RBFOX1: variants seen among roughly 807,000 people sequenced by gnomAD.
The protein encoded by RBFOX1 is RNA binding fox-1 homolog 1.
A neutral mutation model predicts 57.7 loss-of-function variants in RBFOX1; 8 were observed. The ratio of observed to expected loss-of-function variants is 0.14; its 90% CI spans 0.08 to 0.25. The LOEUF (loss-of-function observed/expected upper bound fraction) is 0.25, where lower values mean the gene tolerates loss of function less well. Among genes scored for constraint, RBFOX1 ranks in the 10% least tolerant of loss-of-function variants. The pLI is 1.00. For synonymous variants in RBFOX1, 326 were observed against 222.4 expected (o/e 1.47, Z -4.15); for missense variants, 611 against 548.5 (o/e 1.11, Z -1.14).
intron 3 of RBFOX1, among the ~76,000 whole-genome samples, chr16:5,776,651 G>A (rs72766954): frequency 2.6e-5 from 4 of 152,360 alleles, no homozygotes; most frequent in Non-Finnish European, 5.9e-5. Flanking sequence ...TGGTGTGGGT[G>A]TTAGTATTAT....
At chr16:7,260,817 A>C (rs891461921) in intron 4 of RBFOX1, among the ~76,000 whole-genome samples, 1 of 152,182 alleles carries the variant, frequency 6.6e-6, no homozygotes, top group African/African-American at 2.4e-5. Flanking sequence ...CAAATGGAAA[A>C]TTGCTTTTCT....
chr16:6,590,693 T>C (rs11644563), intron 2 of RBFOX1, among the ~76,000 whole-genome samples: 56,564 of 152,064 alleles, frequency 0.37, 11,581 homozygotes, highest in Non-Finnish European at 0.46. Context: ...TACGAATCTT[T>C]CTAGAAAATG....
At chr16:7,386,768 G>A (rs1453130235) in intron 4 of RBFOX1, among the ~76,000 whole-genome samples, 1 of 152,010 alleles carries the variant, frequency 6.6e-6, no homozygotes, top group Non-Finnish European at 1.5e-5. Context: ...GGGTCTAATG[G>A]TATTTCTAGT....
rs151280795 is a variant in RBFOX1 at position 5,507,297 on chromosome 16, T to G, written c.258+40043T>G. Reference sequence around the variant, plus strand: ...ATGATTGGAGATGGTTTCCTTTATTTGTTGCTGTTGATTTTCTCTCACTGC... The same window carrying G: ...ATGATTGGAGATGGTTTCCTTTATTGGTTGCTGTTGATTTTCTCTCACTGC... On this transcript the variant is annotated intron_variant, in intron 2 of 2. Coordinates refer to the RBFOX1 transcript ENST00000585867. Among the ~76,000 whole-genome samples the G allele has an allele frequency of 2.0e-5, 3 of 152,246 alleles. No homozygotes were observed. The East Asian group carries it at 5.8e-4, about 29-fold the overall frequency.
intron 1 of RBFOX1, among the ~76,000 whole-genome samples, chr16:6,267,361 A>G (rs553651024): frequency 3.5e-4 from 53 of 152,276 alleles, no homozygotes; most frequent in African/African-American, 1.3e-3. Flanking sequence ...ACCTCTCCTG[A>G]TAAACCCCGA....
chr16:7,088,158 T>C (rs73540787), intron 4 of RBFOX1, among the ~76,000 whole-genome samples: 10,669 of 152,240 alleles, frequency 0.07, 1,222 homozygotes, highest in African/African-American at 0.24. Flanking sequence ...TGGGGGGATG[T>C]ACGGTTTTCT....
chr16:6,850,716 A>G (rs143519874), intron 3 of RBFOX1, among the ~76,000 whole-genome samples: 17 of 152,320 alleles, frequency 1.1e-4, no homozygotes, highest in African/African-American at 4.1e-4. Flanking sequence ...TTTGTTGGCT[A>G]AAATAAAGAA....
chr16:7,663,280 T>C (rs563177761), intron 12 of RBFOX1, among the ~76,000 whole-genome samples: 1 of 152,366 alleles, frequency 6.6e-6, no homozygotes, highest in African/African-American at 2.4e-5. Context: ...TAGGGCTTTA[T>C]GCCACTTCAC....
chr16:6,569,214 T>C (rs2097309882), intron 2 of RBFOX1, among the ~76,000 whole-genome samples: 1 of 152,242 alleles, frequency 6.6e-6, no homozygotes, highest in Non-Finnish European at 1.5e-5. Flanking sequence ...TAATACTCTG[T>C]ATTAGTTATC....
intron 1 of RBFOX1, among the ~76,000 whole-genome samples, chr16:6,190,861 G>A (rs1242542952): frequency 6.6e-6 from 1 of 152,138 alleles, no homozygotes; most frequent in African/African-American, 2.4e-5. Flanking sequence ...ACCGAGTTGG[G>A]AGAAATGTAC....
intron 2 of RBFOX1, among the ~76,000 whole-genome samples, chr16:6,436,068 T>C (rs1279729219): frequency 6.6e-6 from 1 of 152,184 alleles, no homozygotes; most frequent in East Asian, 1.9e-4. Context: ...GGAGAAAAAC[T>C]CTGGCTCCTG....
At chr16:7,679,787 C>T (rs750789953) in intron 14 of RBFOX1, among the ~76,000 whole-genome samples, 1 of 151,984 alleles carries the variant, frequency 6.6e-6, no homozygotes, top group Non-Finnish European at 1.5e-5. Context: ...ACCTGAGAGT[C>T]TCTGAATGTT....
At chr16:5,434,449 G>A (rs1056751384) in intron 1 of RBFOX1, among the ~76,000 whole-genome samples, 4 of 148,966 alleles carry the variant, frequency 2.7e-5, no homozygotes, top group African/African-American at 9.9e-5. Flanking sequence ...AGCCTCCTGA[G>A]TAGCTGGAAT....
At chr16:7,055,525 C>A (rs757697509) in intron 4 of RBFOX1, among the ~76,000 whole-genome samples, 5 of 152,140 alleles carry the variant, frequency 3.3e-5, no homozygotes, top group Admixed American at 6.5e-5. Flanking sequence ...GCAGCACTCT[C>A]ATCAGAAGGA....
intron 1 of RBFOX1, among the ~76,000 whole-genome samples, chr16:5,412,149 C>G (rs1408022377): frequency 1.3e-5 from 2 of 151,816 alleles, no homozygotes. Flanking sequence ...GGTCAAACGC[C>G]CAGGTTCTGG....
At chr16:7,273,923 G>GT (rs2095390433) in intron 4 of RBFOX1, among the ~76,000 whole-genome samples, 1 of 152,118 alleles carries the variant, frequency 6.6e-6, no homozygotes, top group African/African-American at 2.4e-5. Context: ...GATTGCTTCT[G>GT]TTTTTCTGTA....
intron 14 of RBFOX1, among the ~76,000 whole-genome samples, chr16:7,701,813 T>A (rs1181950213): frequency 6.6e-6 from 1 of 152,208 alleles, no homozygotes; most frequent in Admixed American, 6.5e-5. Flanking sequence ...AGTTGACCCT[T>A]GTAGAGTGAA....
intron 5 of RBFOX1, among the ~76,000 whole-genome samples, chr16:7,558,720 C>T (rs1411012368): frequency 4.6e-5 from 7 of 152,116 alleles, no homozygotes; most frequent in East Asian, 1.9e-4. Flanking sequence ...AAATCAGCAC[C>T]GAAAAGGCTG....
chr16:7,595,208 T>C (rs925769856), intron 7 of RBFOX1, among the ~76,000 whole-genome samples: 1 of 152,244 alleles, frequency 6.6e-6, no homozygotes, highest in Non-Finnish European at 1.5e-5. Flanking sequence ...TTCCTCATTA[T>C]TTCATTTTAT....
Sources: gnomAD v4.1 joint callset for allele counts (sites outside exome capture counted in the v4.1 genomes callset) on GRCh38, gnomAD v4.1.1 for gene constraint, MANE v1.5 for transcripts, NCBI Gene and HGNC (gene_info 2026-07-23, HGNC 2026-07-21) for gene names.